Variants in TMEM231 observed in about 807,000 individuals in gnomAD.
TMEM231 encodes transmembrane protein 231.
In TMEM231, 40 loss-of-function variants were observed where a neutral mutation model predicts 38.5. The ratio of observed to expected loss-of-function variants is 1.04; its 90% CI spans 0.81 to 1.35. The LOEUF (loss-of-function observed/expected upper bound fraction) is 1.35, where lower values mean the gene tolerates loss of function less well. Ranked by LOEUF, TMEM231 falls within the 40% of genes most tolerant of loss-of-function variation. The pLI, the probability that TMEM231 is intolerant of heterozygous loss-of-function variation, is 0.00. For missense variants in TMEM231, 420 were observed against 416.9 expected, an observed-to-expected ratio of 1.01 and a Z score of -0.07; for synonymous variants, 199 against 181.7, an observed-to-expected ratio of 1.10 and a Z score of -0.77.
rs147486783 is a variant in TMEM231, at chr16:75,538,414, T to C, written c.*1580A>G. ...CAAACCAATGTTTATACGTATCTTG[T>C]CATCTTTCCATATCTCATTGCCTTA... On this transcript the variant is annotated 3_prime_UTR_variant, in exon 7 of 7. Transcript: ENST00000258173. The C allele has an allele frequency of 1.8e-3, 280 of 152,366 alleles. No individual in the cohort carries two copies. The highest frequency in any genetic ancestry group is 6.3e-3 in the African/African-American group (261 of 41,592). 9.4% of individuals were successfully genotyped at this position (152,366 alleles called of 1,614,324 possible).
chr16:75,547,276 T>G (rs530085644), intron 2 of TMEM231, among the ~76,000 whole-genome samples: 1 of 152,352 alleles, frequency 6.6e-6, no homozygotes, highest in East Asian at 1.9e-4. Context: ...AGGAAGAGAT[T>G]TTTTGTGTGT....
chr16:75,546,060 C>T lies in TMEM231; in HGVS notation c.310-106G>A, dbSNP rs528746278. 6 of 1,552,116 alleles carry T rather than the reference C, an allele frequency of 3.9e-6. No individual in the cohort carries two copies. The South Asian group carries it at 4.8e-5, about 12-fold the overall frequency. The stretch of plus-strand genomic sequence containing the variant: ...TGACCCACTGTCTTGCTGTACACAA[C>T]AGGCATTATCTCCTCCACTAAAAGA... On this transcript the variant is annotated intron_variant, in intron 2 of 6. Transcript: ENST00000258173.
chr16:75,542,686 G>C lies in TMEM231; in HGVS notation c.583-3C>G. On this transcript the variant is annotated splice_polypyrimidine_tract_variant and splice_region_variant and intron_variant, in intron 4 of 6. Transcript: ENST00000258173. ...CTGGTCCCGTTGATCACGGATATCT[G>C]GGACACGGGAGGAGGATGTGGTGTG... 6.2e-7 allele frequency: 1 copy of C among 1,613,720 alleles called. No homozygotes were observed. The highest frequency in any genetic ancestry group is 8.5e-7 in the Non-Finnish European group (1 of 1,179,744).
At chr16:75,543,918 G>A (rs951391049) in intron 4 of TMEM231, among the ~76,000 whole-genome samples, 5 of 152,130 alleles carry the variant, frequency 3.3e-5, no homozygotes, top group African/African-American at 7.2e-5. Context: ...TGTAATAACC[G>A]ATAACATCCC....
Position 75,551,198 on chromosome 16 carries a change from CT to C in TMEM231, c.309+4605del, listed in dbSNP as rs1032016901. Among the ~76,000 whole-genome samples the C allele has an allele frequency of 3.1e-3, 468 of 151,708 alleles. 2 individuals are homozygous for C. Among genetic ancestry groups the C allele is most frequent in the Non-Finnish European group, 5.3e-3 (360 of 67,872 alleles). On this transcript the variant is annotated intron_variant, in intron 2 of 6. Transcript: ENST00000258173. ...CCTTTCCACCTTTCTACCTGTATTT[CT>C]TTTTTTTTCTATTTCTTTTTTTCTT...
At chr16:75,553,660 C>A (rs2080784438) in intron 2 of TMEM231, among the ~76,000 whole-genome samples, 1 of 149,836 alleles carries the variant, frequency 6.7e-6, no homozygotes. Flanking sequence ...AAAGCTAGGG[C>A]AAATTGTACC....
At position 75,539,930 on chromosome 16, in the gene TMEM231, A is replaced by C; in HGVS notation, c.*64T>G. ...CGCTGGGCTCTTTCAAAAGGTCCTA[A>C]GATGTTCCCAGAAGATGACAATGAG... is the stretch of plus-strand genomic sequence containing the variant. On this transcript the variant is annotated 3_prime_UTR_variant, in exon 7 of 7. Coordinates refer to ENST00000258173, the MANE Select transcript of TMEM231 (RefSeq NM_001077418.3). 1 of 1,462,694 alleles carries C rather than the reference A, an allele frequency of 6.8e-7. No individual in the cohort carries two copies. The highest frequency in any genetic ancestry group is 9.3e-7 in the Non-Finnish European group (1 of 1,078,922). The allele number at this position is 1,462,694 out of a possible 1,614,324, so 90.6% of individuals were successfully genotyped here.
At chr16:75,548,533 GA>G (rs1380223108) in intron 2 of TMEM231, among the ~76,000 whole-genome samples, 1 of 152,196 alleles carries the variant, frequency 6.6e-6, no homozygotes, top group Non-Finnish European at 1.5e-5. Context: ...GCCGCTGACA[GA>G]AATGAAGCAG....
intron 5 of TMEM231, chr16:75,541,707 A>C (rs565466427): frequency 7.3e-6 from 2 of 273,952 alleles, no homozygotes; most frequent in African/African-American, 4.4e-5. Flanking sequence ...GGCTAACTGA[A>C]GGAATACTAT....
chr16:75,547,433 A>T (rs1446022928), intron 2 of TMEM231, among the ~76,000 whole-genome samples: 4 of 152,126 alleles, frequency 2.6e-5, no homozygotes, highest in African/African-American at 9.7e-5. Context: ...TCTCTTGGAT[A>T]CTTCCTCTCT....
chr16:75,548,496 T>C (rs941180334), intron 2 of TMEM231, among the ~76,000 whole-genome samples: 2 of 152,164 alleles, frequency 1.3e-5, no homozygotes, highest in Admixed American at 6.5e-5. Context: ...ACATTCCCGA[T>C]GGACAATGTA....
intron 2 of TMEM231, among the ~76,000 whole-genome samples, chr16:75,546,913 CA>C (rs1453707747): frequency 1.3e-5 from 2 of 152,010 alleles, no homozygotes; most frequent in East Asian, 3.9e-4. Flanking sequence ...GTATTAAAAC[CA>C]TATCTATTTG....
At chr16:75,546,215 A>G (rs2080689263) in intron 2 of TMEM231, 13 of 1,011,220 alleles carry the variant, frequency 1.3e-5, no homozygotes, top group Non-Finnish European at 1.8e-5. Context: ...AAACATCTGG[A>G]TAGTATTTGT....
chr16:75,543,388 G>A (rs141420423), intron 4 of TMEM231, among the ~76,000 whole-genome samples: 1,819 of 152,246 alleles, frequency 0.012, 41 homozygotes, highest in African/African-American at 0.041. Flanking sequence ...CCAACATGGT[G>A]AAACCCCATC....
At position 75,539,558 on chromosome 16, in the gene TMEM231, T is replaced by C. The variant is rs914586709; in HGVS notation, c.*436A>G. The C allele has an allele frequency of 4.6e-5, 7 of 152,766 alleles. No homozygotes were observed. The highest frequency in any genetic ancestry group is 1.3e-4 in the Admixed American group (2 of 15,206). The allele number at this position is 152,766 out of a possible 1,614,324, so 9.5% of individuals were successfully genotyped here. ...GCCCAGGGGTGCAAAGTGCTAGTGA[T>C]TGGCATGTTTGTCACAAGAGAGCCC... is the stretch of plus-strand genomic sequence containing the variant. On this transcript the variant is annotated 3_prime_UTR_variant, in exon 7 of 7. Coordinates refer to ENST00000258173, the MANE Select transcript of TMEM231 (RefSeq NM_001077418.3).
At position 75,539,469 on chromosome 16, in the gene TMEM231, C is replaced by T. The variant is rs1326848285; in HGVS notation, c.*525G>A. ...GCGGCCCTTGCCCTTGGGCCCTGCC[C>T]CTCCAGGTCTCCAGTTAAAGGCCTC... On this transcript the variant is annotated 3_prime_UTR_variant, in exon 7 of 7. Transcript: ENST00000258173. 6.6e-6 allele frequency: 1 copy of T among 151,856 alleles called. No homozygotes were observed. The highest frequency in any genetic ancestry group is 1.5e-5 in the Non-Finnish European group (1 of 68,020). 9.4% of individuals were successfully genotyped at this position (151,856 alleles called of 1,614,324 possible). A position where few individuals can be genotyped will look rare whatever the true frequency, so the allele number is the denominator to read the frequency against.
intron 2 of TMEM231, chr16:75,546,171 T>C: frequency 6.9e-7 from 1 of 1,441,940 alleles, no homozygotes; most frequent in East Asian, 2.8e-5. Flanking sequence ...GCCTTTCAAA[T>C]GTTCACTGGC....
chr16:75,545,339 G>T lies in TMEM231; in HGVS notation c.582+13C>A. ...GAGAAACAAAGGAGCTGGACAATGA[G>T]AAGCGCTCTTACGTTGTATCGGGCA... On this transcript the variant is annotated intron_variant, in intron 4 of 6. Coordinates refer to ENST00000258173, the MANE Select transcript of TMEM231 (RefSeq NM_001077418.3). 6.2e-7 allele frequency: 1 copy of T among 1,607,154 alleles called. No homozygotes were observed. Among genetic ancestry groups the T allele is most frequent in the South Asian group, 1.1e-5 (1 of 90,724 alleles).
At chr16:75,547,756 T>G (rs542109006) in intron 2 of TMEM231, among the ~76,000 whole-genome samples, 9 of 151,798 alleles carry the variant, frequency 5.9e-5, no homozygotes, top group African/African-American at 1.2e-4. Context: ...TCCAGCCTGG[T>G]GACAGAGCGA....
Sources: allele counts gnomAD v4.1 joint callset (sites outside exome capture counted in the v4.1 genomes callset), GRCh38; gene constraint gnomAD v4.1.1; transcripts MANE v1.5; gene names NCBI Gene and HGNC (gene_info 2026-07-23, HGNC 2026-07-21).